OR8D1: variants seen among roughly 807,000 people sequenced by gnomAD.
OR8D1 encodes olfactory receptor 8D1.
For missense variants in OR8D1, 384 were observed against 366.8 expected, an observed-to-expected ratio of 1.05 and a Z score of -0.38; for synonymous variants, 143 against 147.0, an observed-to-expected ratio of 0.97 and a Z score of 0.20.
intron 1 of OR8D1, among the ~76,000 whole-genome samples, chr11:124,312,991 T>C (rs1862435719): frequency 6.6e-6 from 1 of 151,584 alleles, no homozygotes; most frequent in Non-Finnish European, 1.5e-5. Flanking sequence ...CTTGCCAACA[T>C]GGTGAAACCC....
rs1257197235 is a variant in OR8D1, at chr11:124,306,680, T to G, written c.*3160A>C. The G allele has an allele frequency of 6.6e-6, 1 of 151,950 alleles. No homozygotes were observed. The highest frequency in any genetic ancestry group is 1.5e-5 in the Non-Finnish European group (1 of 67,946). The allele number at this position is 151,950 out of a possible 1,614,324, so 9.4% of individuals were successfully genotyped here. A position where few individuals can be genotyped will look rare whatever the true frequency, so the allele number is the denominator to read the frequency against. ...CAATTATAATTTTGAATCTTCTGTA[T>G]TTCTTGATTCTACTTTTCTCTAAAA... On this transcript the variant is annotated 3_prime_UTR_variant, in exon 3 of 3. Coordinates refer to ENST00000641015, the MANE Select transcript of OR8D1 (RefSeq NM_001002917.2).
In OR8D1 at chr11:124,305,873, C is replaced by A. The variant is rs546327810; in HGVS notation, c.*3967G>T. ...AGAAAGAATGTCTGTTAAAGCACTA[C>A]GGATTTTTCATTCAAGCCGTCATAC... On this transcript the variant is annotated 3_prime_UTR_variant, in exon 3 of 3. Transcript: ENST00000641015. The A allele has an allele frequency of 6.6e-6, 1 of 151,886 alleles. No homozygotes were observed. The highest frequency in any genetic ancestry group is 1.5e-5 in the Non-Finnish European group (1 of 67,882). The allele number at this position is 151,886 out of a possible 1,614,324, so 9.4% of individuals were successfully genotyped here.
rs1565331670 is a variant in OR8D1, at chr11:124,310,721, C to T, written c.46G>A (p.Gly16Ser). Reference sequence around the variant, plus strand: ...TGGAGCTCTGCTTGCTGTGTTAAACCATCTAAGACAAACTGAGCTGCCATA... The same window carrying T: ...TGGAGCTCTGCTTGCTGTGTTAAACTATCTAAGACAAACTGAGCTGCCATA... The part of the protein sequence containing the change: ...YSMAAQFVLD[G>S]LTQQAELQLP... The change falls in exon 3 of 3, where the codon GGT (glycine) becomes AGT (serine). Residue 16 changes from glycine (G) to serine (S), a missense_variant. Physicochemically the swap from Gly to Ser is moderately conservative, Grantham distance 56. Coordinates refer to ENST00000641015, the MANE Select transcript of OR8D1 (RefSeq NM_001002917.2). The T allele has an allele frequency of 1.2e-6, 2 of 1,613,336 alleles. No individual in the cohort carries two copies. Among genetic ancestry groups the T allele is most frequent in the Admixed American group, 1.7e-5 (1 of 59,922 alleles).
At position 124,313,896 on chromosome 11, in the gene OR8D1, G is replaced by C. The variant is rs1263185414; in HGVS notation, c.-297C>G. 1 of 152,152 alleles carries C rather than the reference G, an allele frequency of 6.6e-6. No individual in the cohort carries two copies. Among genetic ancestry groups the C allele is most frequent in the Non-Finnish European group, 1.5e-5 (1 of 68,034 alleles). The allele number at this position is 152,152 out of a possible 1,614,324, so 9.4% of individuals were successfully genotyped here. A position where few individuals can be genotyped will look rare whatever the true frequency, so the allele number is the denominator to read the frequency against. On this transcript the variant is annotated 5_prime_UTR_variant, in exon 1 of 3. Coordinates refer to ENST00000641015, the MANE Select transcript of OR8D1 (RefSeq NM_001002917.2). ...GTAAAACATCAAAATTTATTAAATA[G>C]TACAAACAACTCTTGGACCTTGAAG...
chr11:124,309,817 C>T lies in OR8D1; in HGVS notation c.*23G>A. The T allele has an allele frequency of 7.5e-7, 1 of 1,339,102 alleles. No homozygotes were observed. Among genetic ancestry groups the T allele is most frequent in the Non-Finnish European group, 9.9e-7 (1 of 1,012,920 alleles). 83.0% of individuals were successfully genotyped at this position (1,339,102 alleles called of 1,614,324 possible). A position where few individuals can be genotyped will look rare whatever the true frequency, so the allele number is the denominator to read the frequency against. On this transcript the variant is annotated 3_prime_UTR_variant, in exon 3 of 3. Coordinates refer to ENST00000641015, the MANE Select transcript of OR8D1 (RefSeq NM_001002917.2). ...CATTGGAACTATTCATTTTTCCCAT[C>T]TATAAATCCCCCAAATCAGGACTCA...
At chr11:124,310,861 G>T in intron 2 of OR8D1, 79 bp from the exon 3 acceptor site, 1 of 841,946 alleles carries the variant, frequency 1.2e-6, no homozygotes, top group Non-Finnish European at 1.8e-6. Flanking sequence ...GCATAAGGGA[G>T]GTTGACAGCA....
In OR8D1 at chr11:124,305,561, G is replaced by A. The variant is rs1862362358; in HGVS notation, c.*4279C>T. 1 of 151,608 alleles carries A rather than the reference G, an allele frequency of 6.6e-6. No homozygotes were observed. Among genetic ancestry groups the A allele is most frequent in the East Asian group, 1.9e-4 (1 of 5,164 alleles). The allele number at this position is 151,608 out of a possible 1,614,324, so 9.4% of individuals were successfully genotyped here. A position where few individuals can be genotyped will look rare whatever the true frequency, so the allele number is the denominator to read the frequency against. ...TATTGACTCGGGAAAAGCAAAAGGG[G>A]GCCTCCAGGAGTGATGCTAATATTC... On this transcript the variant is annotated 3_prime_UTR_variant, in exon 3 of 3. Coordinates refer to ENST00000641015, the MANE Select transcript of OR8D1 (RefSeq NM_001002917.2).
At position 124,303,735 on chromosome 11, in the gene OR8D1, T is replaced by C. The variant is rs908922115; in HGVS notation, c.*6105A>G. 1.3e-5 allele frequency: 2 copies of C among 151,970 alleles called. No individual in the cohort carries two copies. Among genetic ancestry groups the C allele is most frequent in the Non-Finnish European group, 2.9e-5 (2 of 67,954 alleles). The allele number at this position is 151,970 out of a possible 1,614,324, so 9.4% of individuals were successfully genotyped here. On this transcript the variant is annotated 3_prime_UTR_variant, in exon 3 of 3. Coordinates refer to ENST00000641015, the MANE Select transcript of OR8D1 (RefSeq NM_001002917.2). Reference sequence around the variant, plus strand: ...AGTCATAAAGTCCTCTGTTTTCTTATTTTTATATTATAATCATTTCAAAAT... The same window carrying C: ...AGTCATAAAGTCCTCTGTTTTCTTACTTTTATATTATAATCATTTCAAAAT...
chr11:124,303,323 C>A lies in OR8D1; in HGVS notation c.*6517G>T, dbSNP rs184702603. 4 of 152,146 alleles carry A rather than the reference C, an allele frequency of 2.6e-5. No individual in the cohort carries two copies. The East Asian group carries it at 7.7e-4, about 29-fold the overall frequency. The allele number at this position is 152,146 out of a possible 1,614,324, so 9.4% of individuals were successfully genotyped here. A position where few individuals can be genotyped will look rare whatever the true frequency, so the allele number is the denominator to read the frequency against. The stretch of plus-strand genomic sequence containing the variant: ...CCAACCACCTCCCTCTCTTGACACA[C>A]GGGGATTACAGGTCCCTCTGTCGAC... On this transcript the variant is annotated 3_prime_UTR_variant, in exon 3 of 3. Transcript: ENST00000641015.
In OR8D1 at chr11:124,313,821, C is replaced by G. The variant is rs531123362; in HGVS notation, c.-222G>C. 1.3e-5 allele frequency: 2 copies of G among 152,230 alleles called. No homozygotes were observed. Among genetic ancestry groups the G allele is most frequent in the East Asian group, 3.9e-4 (2 of 5,182 alleles). The allele number at this position is 152,230 out of a possible 1,614,324, so 9.4% of individuals were successfully genotyped here. A position where few individuals can be genotyped will look rare whatever the true frequency, so the allele number is the denominator to read the frequency against. On this transcript the variant is annotated 5_prime_UTR_variant, in exon 1 of 3. Coordinates refer to ENST00000641015, the MANE Select transcript of OR8D1 (RefSeq NM_001002917.2). ...CAAAGAACAAAGTCTTTCCCACTACCTTATACACACATTTATATGCCAAGG... is the reference window on the plus strand; with the variant it reads ...CAAAGAACAAAGTCTTTCCCACTACGTTATACACACATTTATATGCCAAGG...
At position 124,305,277 on chromosome 11, in the gene OR8D1, T is replaced by C. The variant is rs1008726510; in HGVS notation, c.*4563A>G. 6.6e-6 allele frequency: 1 copy of C among 151,928 alleles called. No individual in the cohort carries two copies. The highest frequency in any genetic ancestry group is 6.6e-5 in the Admixed American group (1 of 15,206). The allele number at this position is 151,928 out of a possible 1,614,324, so 9.4% of individuals were successfully genotyped here. ...ATAGTGCTATGATGCATGCAAATCA[T>C]GGTGAATCTGAAAGTAATTATGCCG... On this transcript the variant is annotated 3_prime_UTR_variant, in exon 3 of 3. Transcript: ENST00000641015.
At position 124,309,142 on chromosome 11, in the gene OR8D1, A is replaced by T. The variant is rs1862392724; in HGVS notation, c.*698T>A. ...CAACTCCATTGCAATAGATAGTGAA[A>T]ACACATGGTCAGAGGTCCCTTAGTG... On this transcript the variant is annotated 3_prime_UTR_variant, in exon 3 of 3. Transcript: ENST00000641015. 6.6e-6 allele frequency: 1 copy of T among 152,110 alleles called. No individual in the cohort carries two copies. The highest frequency in any genetic ancestry group is 1.5e-5 in the Non-Finnish European group (1 of 68,000). The allele number at this position is 152,110 out of a possible 1,614,324, so 9.4% of individuals were successfully genotyped here.
rs964124106 is a variant in OR8D1, at chr11:124,309,860, T to G, written c.907A>C (p.Lys303Gln). ...AGGACTCATTTTCCTACTAAGACCT[T>G]CCTTAATGCTTTCTTCACATCCTTA... is the stretch of plus-strand genomic sequence containing the variant. ...RNKDVKKALR[K>Q]VLVGK Residue 303 changes from lysine (K) to glutamine (Q), a missense_variant, in exon 3 of 3, where the codon AAG becomes CAG. Transcript: ENST00000641015. The G allele has an allele frequency of 1.4e-6, 2 of 1,464,926 alleles. No homozygotes were observed. The highest frequency in any genetic ancestry group is 1.8e-6 in the Non-Finnish European group (2 of 1,105,594). The allele number at this position is 1,464,926 out of a possible 1,614,324, so 90.7% of individuals were successfully genotyped here.
rs984780507 is a variant in OR8D1 at position 124,309,333 on chromosome 11, T to C, written c.*507A>G. The C allele has an allele frequency of 7.9e-5, 12 of 152,094 alleles. No individual in the cohort carries two copies. Among genetic ancestry groups the C allele is most frequent in the African/African-American group, 2.9e-4 (12 of 41,434 alleles). The allele number at this position is 152,094 out of a possible 1,614,324, so 9.4% of individuals were successfully genotyped here. ...CTGCTGACTAGAATTGCCATTCTTG[T>C]TCTTAACTTTTTCTTTTCTTTTCTA... On this transcript the variant is annotated 3_prime_UTR_variant, in exon 3 of 3. Transcript: ENST00000641015.
At position 124,310,531 on chromosome 11, in the gene OR8D1, G is replaced by A; in HGVS notation, c.236C>T (p.Pro79Leu). The change falls in exon 3 of 3, where the codon CCC (proline) becomes CTC (leucine). Residue 79 changes from proline (P) to leucine (L), a missense_variant. Coordinates refer to ENST00000641015, the MANE Select transcript of OR8D1 (RefSeq NM_001002917.2). The part of the protein sequence containing the change: ...VDFCYSSVIT[P>L]KMLVNFLGKK... ...TCCTAGGAAGTTCACCAGCATTTTGGGAGTAATGACAGAGGAATAGCAGAA... is the reference window on the plus strand; with the variant it reads ...TCCTAGGAAGTTCACCAGCATTTTGAGAGTAATGACAGAGGAATAGCAGAA... The A allele has an allele frequency of 6.2e-7, 1 of 1,613,748 alleles. No homozygotes were observed. The highest frequency in any genetic ancestry group is 1.1e-5 in the South Asian group (1 of 91,080).
intron 1 of OR8D1, among the ~76,000 whole-genome samples, chr11:124,312,808 A>G (rs1452722510): frequency 6.6e-6 from 1 of 151,822 alleles, no homozygotes; most frequent in Non-Finnish European, 1.5e-5. Flanking sequence ...CTTTAGATGG[A>G]TGAGAAGGTA....
Position 124,303,745 on chromosome 11 carries a change from A to G in OR8D1, c.*6095T>C, listed in dbSNP as rs1862344081. 2 of 151,934 alleles carry G rather than the reference A, an allele frequency of 1.3e-5. No individual in the cohort carries two copies. The highest frequency in any genetic ancestry group is 4.8e-5 in the African/African-American group (2 of 41,400). 9.4% of individuals were successfully genotyped at this position (151,934 alleles called of 1,614,324 possible). A position where few individuals can be genotyped will look rare whatever the true frequency, so the allele number is the denominator to read the frequency against. Reference sequence around the variant, plus strand: ...TCCTCTGTTTTCTTATTTTTATATTATAATCATTTCAAAATAATTACATAT... The same window carrying G: ...TCCTCTGTTTTCTTATTTTTATATTGTAATCATTTCAAAATAATTACATAT... On this transcript the variant is annotated 3_prime_UTR_variant, in exon 3 of 3. Coordinates refer to ENST00000641015, the MANE Select transcript of OR8D1 (RefSeq NM_001002917.2).
Position 124,306,994 on chromosome 11 carries a change from T to C in OR8D1, c.*2846A>G, listed in dbSNP as rs1365882739. On this transcript the variant is annotated 3_prime_UTR_variant, in exon 3 of 3. Transcript: ENST00000641015. ...GAAACAATATATCCTTGGTTATCCT[T>C]GCCTATGAAATTCTACCTCTACTAA... The C allele has an allele frequency of 6.6e-6, 1 of 152,074 alleles. No individual in the cohort carries two copies. The highest frequency in any genetic ancestry group is 2.1e-4 in the South Asian group (1 of 4,832). The allele number at this position is 152,074 out of a possible 1,614,324, so 9.4% of individuals were successfully genotyped here. A position where few individuals can be genotyped will look rare whatever the true frequency, so the allele number is the denominator to read the frequency against.
intron 2 of OR8D1, 129 bp from the exon 3 acceptor site, chr11:124,310,911 T>C (rs950813612): frequency 1.6e-6 from 1 of 615,036 alleles, no homozygotes; most frequent in African/African-American, 1.8e-5. Flanking sequence ...TCTCTAAACT[T>C]GATACCTCTG....
Sources: allele counts gnomAD v4.1 joint callset (sites outside exome capture counted in the v4.1 genomes callset), GRCh38; gene constraint gnomAD v4.1.1; transcripts MANE v1.5; gene names NCBI Gene and HGNC (gene_info 2026-07-23, HGNC 2026-07-21).